The following ING3 variants were observed in gnomAD, a reference collection of about 807,000 sequenced individuals.
ING3 encodes inhibitor of growth protein 3.
Under a neutral mutation model 64.8 loss-of-function variants are expected in ING3, and 6 were observed. The observed-to-expected ratio is 0.09, with a 90% CI of 0.05 to 0.18. ING3 has a LOEUF of 0.18. Ranked by LOEUF, ING3 falls within the 10% of genes least tolerant of loss-of-function variation. ING3 has a pLI of 1.00. For synonymous variants in ING3, 170 were observed against 173.7 expected, an observed-to-expected ratio of 0.98 and a Z score of 0.17; for missense variants, 310 against 489.7, an observed-to-expected ratio of 0.63 and a Z score of 3.46.
intron 4 of ING3, 186 bp downstream of exon 4, chr7:120,955,810 G>T (rs1054733439): frequency 1.7e-6 from 1 of 603,650 alleles, no homozygotes; most frequent in African/African-American, 1.9e-5. Flanking sequence ...AGAGTGGTTA[G>T]TTAATGTGGT....
intron 4 of ING3, among the ~76,000 whole-genome samples, chr7:120,963,099 A>G (rs756559729): frequency 6.6e-6 from 1 of 152,026 alleles, no homozygotes; most frequent in Non-Finnish European, 1.5e-5. Flanking sequence ...ATTTTTTCTG[A>G]TTTCCCTTGA....
At chr7:120,953,950 C>T (rs1051409426) in intron 3 of ING3, among the ~76,000 whole-genome samples, 3 of 152,130 alleles carry the variant, frequency 2.0e-5, no homozygotes, top group South Asian at 2.1e-4. Context: ...TGAGTATACA[C>T]GTACATCTCA....
intron 4 of ING3, among the ~76,000 whole-genome samples, chr7:120,957,138 G>A (rs1203331890): frequency 1.3e-5 from 2 of 152,120 alleles, no homozygotes; most frequent in African/African-American, 4.8e-5. Flanking sequence ...TTGGGAGGCC[G>A]AGGAGAGTAG....
chr7:120,976,605 G>A lies in ING3; in HGVS notation c.*1761G>A, dbSNP rs114912830. The stretch of plus-strand genomic sequence containing the variant: ...TTATCAAAGTATATTGCCTGGAAAT[G>A]CTCACATGTATCATTTACATCCTCT... On this transcript the variant is annotated 3_prime_UTR_variant, in exon 12 of 12. Transcript: ENST00000315870. 260 of 152,242 alleles carry A rather than the reference G, an allele frequency of 1.7e-3. No individual in the cohort carries two copies. The highest frequency in any genetic ancestry group is 6.1e-3 in the African/African-American group (252 of 41,520). 9.4% of individuals were successfully genotyped at this position (152,242 alleles called of 1,614,324 possible).
chr7:120,973,270 A>G lies in ING3; in HGVS notation c.1140+27A>G, dbSNP rs1249193735. ...TAAGTATTACATTTTTCTATTTAGGAATGAAAAAAATCACAGGTTGTTATT... is the reference window on the plus strand; with the variant it reads ...TAAGTATTACATTTTTCTATTTAGGGATGAAAAAAATCACAGGTTGTTATT... On this transcript the variant is annotated intron_variant, in intron 11 of 11. Coordinates refer to ENST00000315870, the MANE Select transcript of ING3 (RefSeq NM_019071.3). 3 of 1,435,080 alleles carry G rather than the reference A, an allele frequency of 2.1e-6. No individual in the cohort carries two copies. In the East Asian group the frequency reaches 6.9e-5, roughly 33 times the overall value. 88.9% of individuals were successfully genotyped at this position (1,435,080 alleles called of 1,614,324 possible). A position where few individuals can be genotyped will look rare whatever the true frequency, so the allele number is the denominator to read the frequency against.
chr7:120,966,957 G>GATTCTCCTTAGGGAGCTTTTCAACTGAGC (rs1255766767), intron 6 of ING3, among the ~76,000 whole-genome samples: 1 of 152,114 alleles, frequency 6.6e-6, no homozygotes, highest in South Asian at 2.1e-4. Context: ...ACACATACCT[G>GATTCTCCTTAGGGAGCTTTTCAACTGAGC]ATTCTCCTTA....
chr7:120,971,013 T>TA lies in ING3; in HGVS notation c.1101+134dup, dbSNP rs1276333596. On this transcript the variant is annotated intron_variant, in intron 10 of 11. Transcript: ENST00000315870. ...ATTTGTATACTTTTCTCCCCCTTCT[T>TA]ACAAAAGTGACATTTGCTGTAAATA... 2.0e-5 allele frequency: 19 copies of TA among 971,720 alleles called. No individual in the cohort carries two copies. In the African/African-American group the frequency reaches 3.0e-4, roughly 15 times the overall value. 60.2% of individuals were successfully genotyped at this position (971,720 alleles called of 1,614,324 possible). A position where few individuals can be genotyped will look rare whatever the true frequency, so the allele number is the denominator to read the frequency against.
At chr7:120,953,172 C>A in intron 2 of ING3, 132 bp from the exon 3 acceptor site, 1 of 518,684 alleles carries the variant, frequency 1.9e-6, no homozygotes, top group South Asian at 2.9e-5. Context: ...ACAATCAAAG[C>A]ATAACATATT....
chr7:120,974,626 T>C (rs573573924), intron 11 of ING3, 102 bp from the exon 12 acceptor site: 15 of 592,940 alleles, frequency 2.5e-5, no homozygotes, highest in African/African-American at 2.5e-4. Context: ...CATCTAATTA[T>C]TGTTAAATTA....
Position 120,967,833 on chromosome 7 carries a change from A to T in ING3, c.557-101A>T. 2.2e-6 allele frequency: 3 copies of T among 1,340,004 alleles called. No homozygotes were observed. The South Asian group carries it at 4.2e-5, about 19-fold the overall frequency. The allele number at this position is 1,340,004 out of a possible 1,614,324, so 83.0% of individuals were successfully genotyped here. A position where few individuals can be genotyped will look rare whatever the true frequency, so the allele number is the denominator to read the frequency against. ...ACTTAATGTACAAGTGACATTAAAA[A>T]TTTTAATGATTATATGTCTGTGCTG... On this transcript the variant is annotated intron_variant, in intron 7 of 11. Transcript: ENST00000315870.
chr7:120,951,056 T>G, intron 1 of ING3, 108 bp from the exon 2 acceptor site: 1 of 1,500,384 alleles, frequency 6.7e-7, no homozygotes, highest in South Asian at 1.1e-5. Flanking sequence ...ACTGGCAGCC[T>G]CGTTGTGGGC....
At chr7:120,954,899 A>AC (rs3214197) in intron 3 of ING3, among the ~76,000 whole-genome samples, 15,864 of 152,244 alleles carry the variant, frequency 0.1, 1,339 homozygotes, top group East Asian at 0.31. Context: ...TTTAACAAAA[A>AC]TTTTTTAATG....
intron 4 of ING3, among the ~76,000 whole-genome samples, chr7:120,963,098 G>T (rs1478284854): frequency 6.6e-6 from 1 of 152,018 alleles, no homozygotes; most frequent in East Asian, 1.9e-4. Flanking sequence ...TATTTTTTCT[G>T]ATTTCCCTTG....
At chr7:120,955,826 CTG>C (rs1009989874) in intron 4 of ING3, 9 of 590,618 alleles carry the variant, frequency 1.5e-5, no homozygotes, top group Admixed American at 1.3e-4. Context: ...GTGGTGAGAA[CTG>C]TACATTTTAG....
chr7:120,958,843 G>A (rs1261804693), intron 4 of ING3, among the ~76,000 whole-genome samples: 1 of 152,158 alleles, frequency 6.6e-6, no homozygotes, highest in African/African-American at 2.4e-5. Flanking sequence ...AGCTAGTGTA[G>A]TCTTCCTTAA....
chr7:120,956,472 A>G (rs534114080), intron 4 of ING3: 1 of 730,530 alleles, frequency 1.4e-6, no homozygotes, highest in Admixed American at 6.1e-5. Flanking sequence ...AACACCACAT[A>G]TGGTGTGAAT....
At chr7:120,955,940 G>A (rs1795840077) in intron 4 of ING3, 6 of 580,206 alleles carry the variant, frequency 1.0e-5, no homozygotes, top group Non-Finnish European at 1.5e-5. Flanking sequence ...TTAAGGTAGT[G>A]TGTTTACTTG....
chr7:120,972,518 C>A (rs1214681882), intron 10 of ING3, among the ~76,000 whole-genome samples: 3 of 152,064 alleles, frequency 2.0e-5, no homozygotes, highest in Non-Finnish European at 4.4e-5. Flanking sequence ...TCCTCTGTAA[C>A]ACTAAAAAAC....
chr7:120,951,107 C>T, intron 1 of ING3, 57 bp from the exon 2 acceptor site: 14 of 1,579,232 alleles, frequency 8.9e-6, no homozygotes, highest in Middle Eastern at 3.3e-4. Context: ...CGCGCAGTGA[C>T]GTAAGCGCGT....
Sources: allele counts gnomAD v4.1 joint callset (sites outside exome capture counted in the v4.1 genomes callset), GRCh38; gene constraint gnomAD v4.1.1; transcripts MANE v1.5; gene names NCBI Gene and HGNC (gene_info 2026-07-23, HGNC 2026-07-21).